Variants in ZNF804A observed in about 807,000 individuals in gnomAD.
ZNF804A encodes zinc finger protein 804A.
ZNF804A carries 2 observed loss-of-function variants against 16.5 expected under a neutral mutation model. The observed-to-expected ratio is 0.12, with a 90% CI of 0.05 to 0.38. The LOEUF (loss-of-function observed/expected upper bound fraction) is 0.38. Ranked by LOEUF, ZNF804A falls within the 10% of genes least tolerant of loss-of-function variation. ZNF804A has a pLI of 0.99. For missense variants in ZNF804A, 1,473 were observed against 1,390.7 expected, an observed-to-expected ratio of 1.06 and a Z score of -0.94; for synonymous variants, 534 against 489.6, an observed-to-expected ratio of 1.09 and a Z score of -1.20.
chr2:184,777,287 C>G (rs1165757928), intron 1 of ZNF804A, among the ~76,000 whole-genome samples: 1 of 151,634 alleles, frequency 6.6e-6, no homozygotes, highest in East Asian at 1.9e-4. Context: ...GCCTTTTATC[C>G]TAATTTCTGA....
chr2:184,642,555 G>A (rs991458912), intron 1 of ZNF804A, among the ~76,000 whole-genome samples: 1 of 152,084 alleles, frequency 6.6e-6, no homozygotes, highest in African/African-American at 2.4e-5. Flanking sequence ...AAGAACTATA[G>A]AAGTAAGATA....
intron 1 of ZNF804A, among the ~76,000 whole-genome samples, chr2:184,639,371 G>A (rs1691756370): frequency 6.6e-6 from 1 of 151,846 alleles, no homozygotes; most frequent in Non-Finnish European, 1.5e-5. Flanking sequence ...ACCGCGCCTG[G>A]CCTAGGAAGC....
At chr2:184,771,608 AAAG>A (rs202037504) in intron 1 of ZNF804A, among the ~76,000 whole-genome samples, 7,633 of 152,006 alleles carry the variant, frequency 0.05, 247 homozygotes, top group Middle Eastern at 0.078. Context: ...TAAAAAAAAA[AAAG>A]AAGATGTCTA....
intron 1 of ZNF804A, among the ~76,000 whole-genome samples, chr2:184,698,698 A>G (rs1399189232): frequency 4.6e-5 from 7 of 152,202 alleles, no homozygotes; most frequent in Admixed American, 1.3e-4. Context: ...CAAGTATGTC[A>G]GGTAGACCCA....
At chr2:184,935,287 G>A (rs1276008623) in intron 3 of ZNF804A, among the ~76,000 whole-genome samples, 1 of 152,078 alleles carries the variant, frequency 6.6e-6, no homozygotes, top group African/African-American at 2.4e-5. Flanking sequence ...TACCAATTGG[G>A]CTATAGTAGA....
chr2:184,717,459 C>T (rs1276415100), intron 1 of ZNF804A, among the ~76,000 whole-genome samples: 3 of 152,068 alleles, frequency 2.0e-5, no homozygotes, highest in Non-Finnish European at 4.4e-5. Flanking sequence ...TTTTCAAATT[C>T]TTCACAGTAA....
intron 1 of ZNF804A, among the ~76,000 whole-genome samples, chr2:184,605,630 A>T (rs1182804723): frequency 1.3e-5 from 2 of 152,134 alleles, no homozygotes; most frequent in Non-Finnish European, 2.9e-5. Flanking sequence ...TTTACTGGGC[A>T]TTAGAAGTAA....
chr2:184,678,969 T>C (rs901644443), intron 1 of ZNF804A, among the ~76,000 whole-genome samples: 1 of 152,166 alleles, frequency 6.6e-6, no homozygotes, highest in Non-Finnish European at 1.5e-5. Context: ...AAACCATACA[T>C]ATTATTATAA....
At position 184,925,808 on chromosome 2, in the gene ZNF804A, C is replaced by T. The variant is rs555054637; in HGVS notation, c.256-7795C>T. Among the ~76,000 whole-genome samples the T allele has an allele frequency of 3.3e-5, 5 of 152,004 alleles. No homozygotes were observed. The South Asian group carries it at 6.2e-4, about 19-fold the overall frequency. ...ACTTAACAGTTTTTACACAAACAAACGTGAGCAAACAAGCAAAAATAAAAC... is the reference window on the plus strand; with the variant it reads ...ACTTAACAGTTTTTACACAAACAAATGTGAGCAAACAAGCAAAAATAAAAC... On this transcript the variant is annotated intron_variant, in intron 2 of 3. Coordinates refer to ENST00000302277, the MANE Select transcript of ZNF804A (RefSeq NM_194250.2).
intron 1 of ZNF804A, among the ~76,000 whole-genome samples, chr2:184,808,549 A>G (rs924228881): frequency 1.3e-5 from 2 of 151,582 alleles, no homozygotes; most frequent in Non-Finnish European, 1.5e-5. Flanking sequence ...ATTTTGGATT[A>G]TATCTTAGTT....
chr2:184,723,954 A>G (rs1693362327), intron 1 of ZNF804A, among the ~76,000 whole-genome samples: 1 of 151,770 alleles, frequency 6.6e-6, no homozygotes, highest in Non-Finnish European at 1.5e-5. Flanking sequence ...TGACATATTG[A>G]CATGAAAATT....
At chr2:184,683,621 T>C (rs1360316170) in intron 1 of ZNF804A, among the ~76,000 whole-genome samples, 5 of 152,028 alleles carry the variant, frequency 3.3e-5, no homozygotes, top group Non-Finnish European at 7.4e-5. Context: ...TAAAGCAGAG[T>C]TGCTAAATGG....
At chr2:184,620,054 G>T (rs1362049393) in intron 1 of ZNF804A, among the ~76,000 whole-genome samples, 1 of 151,552 alleles carries the variant, frequency 6.6e-6, no homozygotes, top group Non-Finnish European at 1.5e-5. Flanking sequence ...AATTATATAT[G>T]ATATCAGATT....
At chr2:184,895,786 A>G (rs1203682027) in intron 2 of ZNF804A, among the ~76,000 whole-genome samples, 1 of 152,234 alleles carries the variant, frequency 6.6e-6, no homozygotes, top group East Asian at 1.9e-4. Context: ...GTAAAAAAGT[A>G]AATTTGCAGT....
chr2:184,805,405 G>A (rs1034064458), intron 1 of ZNF804A, among the ~76,000 whole-genome samples: 1 of 152,012 alleles, frequency 6.6e-6, no homozygotes, highest in Non-Finnish European at 1.5e-5. Flanking sequence ...AGGTATTTAT[G>A]TCTAGAGATG....
At chr2:184,723,919 T>C (rs1693361881) in intron 1 of ZNF804A, among the ~76,000 whole-genome samples, 1 of 151,720 alleles carries the variant, frequency 6.6e-6, no homozygotes, top group South Asian at 2.1e-4. Context: ...ATTTTAAAAA[T>C]CTCTTTTATT....
intron 1 of ZNF804A, among the ~76,000 whole-genome samples, chr2:184,627,151 T>G (rs983888525): frequency 2.0e-5 from 3 of 152,184 alleles, no homozygotes; most frequent in African/African-American, 7.2e-5. Context: ...CAGAGAAGGC[T>G]AAATAGGAAA....
At chr2:184,847,166 TTA>T (rs1695532558) in intron 1 of ZNF804A, among the ~76,000 whole-genome samples, 2 of 152,112 alleles carry the variant, frequency 1.3e-5, no homozygotes, top group African/African-American at 4.8e-5. Flanking sequence ...TGTACTCAAT[TTA>T]GCTCGCCAGA....
chr2:184,613,970 T>C (rs1034795560), intron 1 of ZNF804A, among the ~76,000 whole-genome samples: 4 of 152,192 alleles, frequency 2.6e-5, no homozygotes, highest in African/African-American at 9.6e-5. Context: ...AGAGCTGGTA[T>C]AGCCAAGACA....
Sources: allele counts gnomAD v4.1 joint callset (sites outside exome capture counted in the v4.1 genomes callset), GRCh38; gene constraint gnomAD v4.1.1; transcripts MANE v1.5; gene names NCBI Gene and HGNC (gene_info 2026-07-23, HGNC 2026-07-21).